RNF114: variants seen among roughly 807,000 people sequenced by gnomAD.
RNF114 encodes the protein E3 ubiquitin-protein ligase RNF114.
A neutral mutation model predicts 28.4 loss-of-function variants in RNF114; 6 were observed. That is an observed-to-expected ratio of 0.21 (90% CI 0.12 to 0.42). RNF114 has a LOEUF of 0.42. RNF114 is among the 10% of genes least tolerant of loss of function. The probability of loss-of-function intolerance (pLI) is 1.00; values close to 1 mark genes in which losing one functional copy is unlikely to be tolerated. For missense variants in RNF114, 249 were observed against 311.7 expected (o/e 0.80, Z 1.51); for synonymous variants, 115 against 116.7 (o/e 0.99, Z 0.09).
intron 4 of RNF114, among the ~76,000 whole-genome samples, chr20:49,947,385 C>T (rs775948948): frequency 2.0e-5 from 3 of 152,064 alleles, no homozygotes; most frequent in African/African-American, 7.2e-5. Context: ...GAACTACATA[C>T]TCTGTTGTAT....
At chr20:49,937,955 G>A (rs1337856597) in intron 1 of RNF114, among the ~76,000 whole-genome samples, 1 of 152,144 alleles carries the variant, frequency 6.6e-6, no homozygotes, top group Non-Finnish European at 1.5e-5. Context: ...TTATAAATAA[G>A]TACCAATGAC....
intron 4 of RNF114, among the ~76,000 whole-genome samples, chr20:49,948,744 C>T (rs1172263722): frequency 1.3e-5 from 2 of 152,084 alleles, no homozygotes; most frequent in African/African-American, 4.8e-5. Flanking sequence ...GCCTGGAGCA[C>T]TCTTTCATGT....
chr20:49,941,422 G>T, intron 1 of RNF114, 139 bp from the exon 2 acceptor site: 1 of 907,460 alleles, frequency 1.1e-6, no homozygotes, highest in Middle Eastern at 2.2e-4. Flanking sequence ...GGCTTGGAAG[G>T]ACTTAGTATT....
chr20:49,938,017 A>C (rs2090294284), intron 1 of RNF114, among the ~76,000 whole-genome samples: 1 of 152,328 alleles, frequency 6.6e-6, no homozygotes, highest in South Asian at 2.1e-4. Flanking sequence ...TATTTCAGGG[A>C]TCACACCTCT....
At chr20:49,942,673 A>G (rs1180522872) in intron 2 of RNF114, among the ~76,000 whole-genome samples, 1 of 152,096 alleles carries the variant, frequency 6.6e-6, no homozygotes, top group Admixed American at 6.5e-5. Flanking sequence ...AAATACAAAA[A>G]ACTAGCAGGG....
Position 49,939,003 on chromosome 20 carries a change from G to T in RNF114, c.140+2451G>T, listed in dbSNP as rs890308917. On this transcript the variant is annotated intron_variant, in intron 1 of 5. Transcript: ENST00000244061. ...TTCTCACCATGGTCTACCGCATCAT[G>T]GCCCCCAAGGTCTGCCTGCCTTCCT... Among the ~76,000 whole-genome samples, 8 of 152,114 alleles carry T rather than the reference G, an allele frequency of 5.3e-5. 1 individual carries two copies. The highest frequency in any genetic ancestry group is 5.2e-4 in the Admixed American group (8 of 15,256).
At chr20:49,941,818 C>T (rs996695783) in intron 2 of RNF114, 107 bp downstream of exon 2, 18 of 1,175,410 alleles carry the variant, frequency 1.5e-5, no homozygotes, top group South Asian at 8.0e-5. Context: ...AGGTCACTAA[C>T]AGCACGCGTG....
At position 49,945,843 on chromosome 20, in the gene RNF114, T is replaced by C. The variant is rs528891467; in HGVS notation, c.399-293T>C. 1.6e-4 allele frequency among the ~76,000 whole-genome samples: 24 copies of C among 152,272 alleles called. No individual in the cohort carries two copies. The East Asian group carries it at 4.6e-3, about 29-fold the overall frequency. On this transcript the variant is annotated intron_variant, in intron 3 of 5. Coordinates refer to ENST00000244061, the MANE Select transcript of RNF114 (RefSeq NM_018683.4). ...ACCATGCCTGGCTAAATTTTGTATTTTTTAGTAGAGACAGGGTTTGTCATG... is the reference window on the plus strand; with the variant it reads ...ACCATGCCTGGCTAAATTTTGTATTCTTTAGTAGAGACAGGGTTTGTCATG...
In RNF114 at chr20:49,952,313, T is replaced by C; in HGVS notation, c.*172T>C. 2 of 629,258 alleles carry C rather than the reference T, an allele frequency of 3.2e-6. No homozygotes were observed. Among genetic ancestry groups the C allele is most frequent in the Admixed American group, 2.3e-5 (1 of 43,278 alleles). 39.0% of individuals were successfully genotyped at this position (629,258 alleles called of 1,614,324 possible). On this transcript the variant is annotated 3_prime_UTR_variant, in exon 6 of 6. Transcript: ENST00000244061. ...TGGGTCCCCAGGTCAGCCCTTCTCT[T>C]CCCTTTGGGCTCTTGCCAAAGCTGT...
intron 3 of RNF114, 100 bp downstream of exon 3, chr20:49,945,588 C>G: frequency 1.4e-6 from 1 of 689,806 alleles, no homozygotes. Flanking sequence ...GTTATGCTGG[C>G]TAAAGCTGAT....
intron 4 of RNF114, 132 bp downstream of exon 4, chr20:49,946,382 A>G (rs1026513423): frequency 5.3e-5 from 31 of 587,298 alleles, no homozygotes; most frequent in African/African-American, 4.9e-4. Context: ...ACATTTTACC[A>G]TATTTGCTTA....
rs1378327061 is a variant in RNF114 at position 49,952,100 on chromosome 20, A to G, written c.646A>G (p.Met216Val). 2.5e-6 allele frequency: 4 copies of G among 1,613,820 alleles called. No homozygotes were observed. Among genetic ancestry groups the G allele is most frequent in the Non-Finnish European group, 3.4e-6 (4 of 1,179,790 alleles). The part of the protein sequence containing the change: ...FVDYDVDEED[M>V]MNQVLQRSII... ...GGATTATGATGTTGATGAAGAGGACATGATGAATCAGGTGTTGCAGCGCTC... is the reference window on the plus strand; with the variant it reads ...GGATTATGATGTTGATGAAGAGGACGTGATGAATCAGGTGTTGCAGCGCTC... The change falls in exon 6 of 6, where the codon ATG (methionine) becomes GTG (valine). Residue 216 changes from methionine (M) to valine (V), a missense_variant. Met to Val is a conservative substitution (Grantham distance 21). Transcript: ENST00000244061.
intron 1 of RNF114, among the ~76,000 whole-genome samples, chr20:49,938,937 G>A (rs1348765061): frequency 1.3e-5 from 2 of 152,182 alleles, no homozygotes; most frequent in Non-Finnish European, 2.9e-5. Context: ...ACAAGTGATG[G>A]CCACAGGCCC....
intron 1 of RNF114, 60 bp from the exon 2 acceptor site, chr20:49,941,501 C>G: frequency 1.3e-6 from 2 of 1,493,908 alleles, no homozygotes; most frequent in Middle Eastern, 1.8e-4. Context: ...AAAGTTGATC[C>G]ATATTTGTCG....
intron 1 of RNF114, 40 bp from the exon 2 acceptor site, chr20:49,941,521 C>T: frequency 6.5e-7 from 1 of 1,531,008 alleles, no homozygotes; most frequent in Non-Finnish European, 8.8e-7. Context: ...GTCTTGTCTC[C>T]ATGATGCGTG....
chr20:49,936,828 C>T (rs910715957), intron 1 of RNF114, among the ~76,000 whole-genome samples: 2 of 151,936 alleles, frequency 1.3e-5, no homozygotes, highest in African/African-American at 4.8e-5. Context: ...CAGTCTCCTT[C>T]CCACACGTGA....
chr20:49,947,769 G>GTTTTTTTTTTTTTTTTTTTTTTTTTT (rs71190519), intron 4 of RNF114, among the ~76,000 whole-genome samples: 1 of 50,476 alleles, frequency 2.0e-5, no homozygotes, highest in Non-Finnish European at 3.5e-5. Context: ...CCCTCTGCAA[G>GTTTTTTTTTTTTTTTTTTTTTTTTTT]TTTTTTTTTT....
intron 2 of RNF114, among the ~76,000 whole-genome samples, chr20:49,943,018 GT>G (rs59596842): frequency 0.019 from 2,840 of 149,246 alleles, 95 homozygotes; most frequent in African/African-American, 0.065. Flanking sequence ...CACTTTTCAG[GT>G]TTTTTTTCTC....
In RNF114 at chr20:49,952,240, T is replaced by C; in HGVS notation, c.*99T>C. 9.3e-7 allele frequency: 1 copy of C among 1,076,390 alleles called. No individual in the cohort carries two copies. Among genetic ancestry groups the C allele is most frequent in the Non-Finnish European group, 1.4e-6 (1 of 694,220 alleles). 66.7% of individuals were successfully genotyped at this position (1,076,390 alleles called of 1,614,324 possible). ...CTGTACCTTACCTGTTCAACAGACC[T>C]GAAAATGAGCCATGGCATTGGGACA... On this transcript the variant is annotated 3_prime_UTR_variant, in exon 6 of 6. Coordinates refer to ENST00000244061, the MANE Select transcript of RNF114 (RefSeq NM_018683.4).
Sources: allele counts gnomAD v4.1 joint callset (sites outside exome capture counted in the v4.1 genomes callset), GRCh38; gene constraint gnomAD v4.1.1; transcripts MANE v1.5; gene names NCBI Gene and HGNC (gene_info 2026-07-23, HGNC 2026-07-21).